The following CEP85L variants were observed in gnomAD, a reference collection of about 807,000 sequenced individuals.
CEP85L encodes centrosomal protein of 85 kDa-like.
A neutral mutation model predicts 100.3 loss-of-function variants in CEP85L; 60 were observed. That is an observed-to-expected ratio of 0.60 (90% CI 0.49 to 0.74). The LOEUF is 0.74. Among genes scored for constraint, CEP85L ranks in the 30% least tolerant of loss-of-function variants. The pLI is 0.00. For missense variants in CEP85L, 973 were observed against 936.2 expected (o/e 1.04, Z -0.51); for synonymous variants, 319 against 322.7 (o/e 0.99, Z 0.12).
intron 3 of CEP85L, among the ~76,000 whole-genome samples, chr6:118,529,930 T>C (rs1777197016): frequency 6.6e-6 from 1 of 152,164 alleles, no homozygotes; most frequent in Non-Finnish European, 1.5e-5. Context: ...CAGGAGCTAC[T>C]GTGGCTTGCA....
intron 5 of CEP85L, chr6:118,502,064 C>T: frequency 2.4e-6 from 2 of 850,114 alleles, no homozygotes; most frequent in Non-Finnish European, 3.9e-6. Flanking sequence ...CTTCCCCATC[C>T]TGTGGATCCC....
intron 1 of CEP85L, among the ~76,000 whole-genome samples, chr6:118,633,440 G>A (rs549626918): frequency 2.4e-4 from 37 of 152,160 alleles, no homozygotes; most frequent in Non-Finnish European, 4.9e-4. Flanking sequence ...TCCTGACCTC[G>A]TGATCCACCC....
At chr6:118,575,937 A>G (rs1401942980) in intron 2 of CEP85L, among the ~76,000 whole-genome samples, 2 of 152,150 alleles carry the variant, frequency 1.3e-5, no homozygotes, top group Admixed American at 6.5e-5. Context: ...ATTTACTAGT[A>G]ATAGTAGACC....
chr6:118,628,175 CA>C (rs148054602), intron 2 of CEP85L, among the ~76,000 whole-genome samples: 23 of 145,188 alleles, frequency 1.6e-4, no homozygotes, highest in South Asian at 4.3e-4. Context: ...TACTGTAAGA[CA>C]AAAAAAAAAT....
At chr6:118,685,833 TA>T (rs1776810919) in intron 1 of CEP85L, among the ~76,000 whole-genome samples, 1 of 152,094 alleles carries the variant, frequency 6.6e-6, no homozygotes, top group African/African-American at 2.4e-5. Flanking sequence ...AAAAAGGTAG[TA>T]AAAAATGTTC....
intron 12 of CEP85L, among the ~76,000 whole-genome samples, chr6:118,466,656 TAGAGTACAAACTGTGACAAAGGA>T (rs1486351785): frequency 1.3e-5 from 2 of 152,082 alleles, no homozygotes; most frequent in Non-Finnish European, 2.9e-5. Context: ...TCTAAAATGG[TAGAGTACAAACTGTGACAAAGGA>T]GAGTACCAAG....
intron 3 of CEP85L, among the ~76,000 whole-genome samples, chr6:118,538,157 C>A (rs1554215810): frequency 1.3e-5 from 2 of 151,876 alleles, no homozygotes; most frequent in Admixed American, 6.6e-5. Flanking sequence ...CTAACAACAA[C>A]AAAAAAACCA....
At chr6:118,540,671 C>G (rs957627048) in intron 3 of CEP85L, among the ~76,000 whole-genome samples, 7 of 151,902 alleles carry the variant, frequency 4.6e-5, no homozygotes, top group Non-Finnish European at 1.0e-4. Flanking sequence ...GCAGGAGAAT[C>G]GCTTGAACCT....
At chr6:118,513,296 T>C (rs562346648) in intron 4 of CEP85L, among the ~76,000 whole-genome samples, 43 of 152,182 alleles carry the variant, frequency 2.8e-4, no homozygotes, top group African/African-American at 1.0e-3. Context: ...AAAATATTTG[T>C]GTATAACAGG....
intron 1 of CEP85L, among the ~76,000 whole-genome samples, chr6:118,689,054 G>A (rs1240803130): frequency 4.6e-5 from 7 of 152,150 alleles, no homozygotes; most frequent in Non-Finnish European, 7.4e-5. Flanking sequence ...CTTCAGCAGA[G>A]ACTTGAATAA....
chr6:118,661,715 T>C (rs1394274314), intron 1 of CEP85L, among the ~76,000 whole-genome samples: 1 of 152,030 alleles, frequency 6.6e-6, no homozygotes, highest in African/African-American at 2.4e-5. Flanking sequence ...ATTTGTTGAG[T>C]TTAAGAGTAT....
At chr6:118,668,718 AT>A (rs1208965873) in intron 1 of CEP85L, among the ~76,000 whole-genome samples, 2 of 152,248 alleles carry the variant, frequency 1.3e-5, no homozygotes, top group Non-Finnish European at 2.9e-5. Flanking sequence ...CAAGGCTAAA[AT>A]AAAGGGAACA....
chr6:118,670,957 TA>T (rs66483063), intron 1 of CEP85L, among the ~76,000 whole-genome samples: 7,006 of 144,670 alleles, frequency 0.048, 180 homozygotes, highest in Admixed American at 0.058. Context: ...CTTTTTTATG[TA>T]AAAAAAAAAA....
chr6:118,544,875 A>C (rs1273283099), intron 3 of CEP85L, among the ~76,000 whole-genome samples: 5 of 152,098 alleles, frequency 3.3e-5, no homozygotes, highest in African/African-American at 1.2e-4. Context: ...GAGAATTTCC[A>C]TCCTCTCAAT....
rs536538451 is a variant in CEP85L, at chr6:118,483,731, T to A, written c.1565A>T (p.Asp522Val). 6.2e-7 allele frequency: 1 copy of A among 1,613,724 alleles called. No individual in the cohort carries two copies. The highest frequency in any genetic ancestry group is 1.1e-5 in the South Asian group (1 of 91,060). The change falls in exon 7 of 13, where the codon GAT becomes GTT. Residue 522 changes from aspartate to valine, a missense_variant. By Grantham distance (152) the Asp-to-Val change is radical (BLOSUM62 -3). Coordinates refer to ENST00000368491, the MANE Select transcript of CEP85L (RefSeq NM_001042475.3). ...CTGTAGACTCTGACTCTGTACATCA[T>A]CTAGAGTTGGAAGATCAGCCAGATA... The part of the protein sequence containing the change: ...EKYLADLPTL[D>V]DVQSQSLQLQ...
intron 1 of CEP85L, among the ~76,000 whole-genome samples, chr6:118,637,727 G>C (rs190010235): frequency 1.7e-5 from 1 of 58,840 alleles, no homozygotes; most frequent in African/African-American, 5.5e-5. Context: ...AAAAAAAAAA[G>C]TTGTCTATAT....
At chr6:118,582,737 T>C (rs1780644853) in intron 2 of CEP85L, among the ~76,000 whole-genome samples, 1 of 152,168 alleles carries the variant, frequency 6.6e-6, no homozygotes, top group Admixed American at 6.5e-5. Flanking sequence ...GAGGCACTAA[T>C]AAAACACACC....
chr6:118,630,206 G>A (rs1031783808), intron 2 of CEP85L, among the ~76,000 whole-genome samples: 1 of 152,162 alleles, frequency 6.6e-6, no homozygotes, highest in African/African-American at 2.4e-5. Context: ...TCTCCTTCAT[G>A]AATATTCATG....
chr6:118,467,169 G>A (rs1582842215), intron 12 of CEP85L, among the ~76,000 whole-genome samples: 1 of 152,044 alleles, frequency 6.6e-6, no homozygotes, highest in Non-Finnish European at 1.5e-5. Context: ...AATATACATG[G>A]GAATATAATC....
Sources: gnomAD v4.1 joint callset for allele counts (sites outside exome capture counted in the v4.1 genomes callset) on GRCh38, gnomAD v4.1.1 for gene constraint, MANE v1.5 for transcripts, NCBI Gene and HGNC (gene_info 2026-07-23, HGNC 2026-07-21) for gene names.